Variants in TMEM108 observed in about 807,000 individuals in gnomAD.
TMEM108 encodes the protein cancer/testis antigen 124.
TMEM108 carries 12 observed loss-of-function variants against 35.1 expected under a neutral mutation model. The ratio of observed to expected loss-of-function variants is 0.34; its 90% CI spans 0.22 to 0.55. The LOEUF is 0.55. Among genes scored for constraint, TMEM108 ranks in the 20% least tolerant of loss-of-function variants. The pLI, the probability that TMEM108 is intolerant of heterozygous loss-of-function variation, is 0.89. For missense variants in TMEM108, 680 were observed against 753.3 expected (o/e 0.90, Z 1.14); for synonymous variants, 287 against 308.6 (o/e 0.93, Z 0.73).
intron 2 of TMEM108, among the ~76,000 whole-genome samples, chr3:133,167,888 C>G (rs1028531578): frequency 6.6e-5 from 10 of 152,064 alleles, no homozygotes; most frequent in Non-Finnish European, 1.2e-4. Flanking sequence ...GAGTGGGCAC[C>G]GAGGCTGAGG....
intron 2 of TMEM108, among the ~76,000 whole-genome samples, chr3:133,183,924 C>G (rs1945383915): frequency 6.6e-6 from 1 of 152,058 alleles, no homozygotes; most frequent in Non-Finnish European, 1.5e-5. Context: ...GGGGGCATTG[C>G]AGGAAGGGAA....
At chr3:133,059,488 C>T (rs1943511660) in intron 2 of TMEM108, among the ~76,000 whole-genome samples, 1 of 152,120 alleles carries the variant, frequency 6.6e-6, no homozygotes, top group South Asian at 2.1e-4. Flanking sequence ...TCTTATAACT[C>T]TGTGAAGAAC....
chr3:133,272,348 A>G (rs978979963), intron 3 of TMEM108, among the ~76,000 whole-genome samples: 1 of 151,242 alleles, frequency 6.6e-6, no homozygotes, highest in African/African-American at 2.4e-5. Context: ...ATCTGAGAAT[A>G]GACTTCTAGG....
intron 2 of TMEM108, among the ~76,000 whole-genome samples, chr3:133,092,308 T>G (rs771618831): frequency 3.9e-5 from 6 of 152,312 alleles, no homozygotes; most frequent in Non-Finnish European, 7.4e-5. Context: ...ATACCCAGAG[T>G]GATGTGAAAC....
chr3:133,181,828 C>G (rs908933514), intron 2 of TMEM108, among the ~76,000 whole-genome samples: 7 of 152,134 alleles, frequency 4.6e-5, no homozygotes, highest in African/African-American at 1.7e-4. Flanking sequence ...GTTCAGAGTC[C>G]AGGCTGGAGA....
chr3:133,223,451 G>A (rs993653446), intron 2 of TMEM108, among the ~76,000 whole-genome samples: 4 of 152,196 alleles, frequency 2.6e-5, no homozygotes, highest in Non-Finnish European at 4.4e-5. Flanking sequence ...CCTGGAGCAT[G>A]GGTTGCAAGG....
chr3:133,380,988 C>T lies in TMEM108; in HGVS notation c.1277C>T (p.Thr426Ile), dbSNP rs753271690. ...SPLSTVVSTA[T>I]GNFLNRLVPA... is the part of the protein sequence containing the mutation. ...CTCTCCACAGTGGTATCCACAGCCA[C>T]AGGCAATTTCCTCAACCGCCTGGTC... The change falls in exon 4 of 6, where the codon ACA (threonine) becomes ATA (isoleucine). Residue 426 changes from threonine to isoleucine, a missense_variant. Coordinates refer to ENST00000321871, the MANE Select transcript of TMEM108 (RefSeq NM_023943.4). The surrounding 1 kb of genome is among the most constrained non-coding windows in gnomAD (Gnocchi z 5.3). The T allele has an allele frequency of 1.2e-6, 2 of 1,614,206 alleles. No homozygotes were observed. The highest frequency in any genetic ancestry group is 1.7e-6 in the Non-Finnish European group (2 of 1,180,032).
intron 3 of TMEM108, among the ~76,000 whole-genome samples, chr3:133,331,056 C>T (rs951567289): frequency 6.6e-6 from 1 of 152,036 alleles, no homozygotes; most frequent in Non-Finnish European, 1.5e-5. Flanking sequence ...ATGTTTGGTG[C>T]ATGGGAGGCT....
chr3:133,391,020 TG>T, intron 5 of TMEM108, among the ~76,000 whole-genome samples: 1 of 152,174 alleles, frequency 6.6e-6, no homozygotes, highest in Non-Finnish European at 1.5e-5. Flanking sequence ...ACACGGAGGG[TG>T]GCGTAGAGGC....
intron 2 of TMEM108, among the ~76,000 whole-genome samples, chr3:133,156,352 TGTATA>T (rs1329267325): frequency 6.6e-6 from 1 of 152,146 alleles, no homozygotes; most frequent in Non-Finnish European, 1.5e-5. Context: ...ATACCGTACA[TGTATA>T]GTATATAGGA....
intron 2 of TMEM108, among the ~76,000 whole-genome samples, chr3:133,097,775 A>T (rs1490615326): frequency 6.6e-6 from 1 of 152,232 alleles, no homozygotes; most frequent in Non-Finnish European, 1.5e-5. Context: ...CTATTAGTAA[A>T]GAACTATGTG....
chr3:133,235,382 A>C (rs960897679), intron 3 of TMEM108, among the ~76,000 whole-genome samples: 3 of 152,222 alleles, frequency 2.0e-5, no homozygotes, highest in African/African-American at 7.2e-5. Flanking sequence ...CCAAAACAGC[A>C]TGGTACTAGT....
chr3:133,054,061 G>A (rs990417109), intron 2 of TMEM108, among the ~76,000 whole-genome samples: 1 of 152,178 alleles, frequency 6.6e-6, no homozygotes, highest in Non-Finnish European at 1.5e-5. Context: ...TCTAGAAGAA[G>A]GTAATGGTGG....
intron 3 of TMEM108, among the ~76,000 whole-genome samples, chr3:133,321,811 C>T (rs1256978268): frequency 6.6e-6 from 1 of 152,022 alleles, no homozygotes; most frequent in Admixed American, 6.6e-5. Flanking sequence ...TGAAGAAAGC[C>T]AAAATTATAC....
intron 2 of TMEM108, among the ~76,000 whole-genome samples, chr3:133,143,747 T>C (rs1172352672): frequency 6.6e-6 from 1 of 152,010 alleles, no homozygotes; most frequent in Non-Finnish European, 1.5e-5. Flanking sequence ...ACAGCCAATA[T>C]GGTTTCCTTC....
intron 2 of TMEM108, among the ~76,000 whole-genome samples, chr3:133,157,573 T>C (rs1944899438): frequency 6.6e-6 from 1 of 152,206 alleles, no homozygotes; most frequent in Non-Finnish European, 1.5e-5. Context: ...TAGAGAAAAT[T>C]GGACCCATTT....
chr3:133,203,152 G>A (rs962234994), intron 2 of TMEM108, among the ~76,000 whole-genome samples: 4 of 152,186 alleles, frequency 2.6e-5, no homozygotes, highest in African/African-American at 4.8e-5. Flanking sequence ...TGTATCCTGA[G>A]ACTTTGCTGA....
At chr3:133,282,589 T>C (rs12496099) in intron 3 of TMEM108, among the ~76,000 whole-genome samples, 92,743 of 152,120 alleles carry the variant, frequency 0.61, 28,223 homozygotes, top group South Asian at 0.65. Flanking sequence ...TTTCAGGTGG[T>C]ACCCAAGAAG....
intron 3 of TMEM108, among the ~76,000 whole-genome samples, chr3:133,301,523 A>C (rs1404889542): frequency 6.6e-6 from 1 of 152,214 alleles, no homozygotes; most frequent in Non-Finnish European, 1.5e-5. Context: ...CAGTAATGAG[A>C]ATAAACATTT....
Sources: allele counts gnomAD v4.1 joint callset (sites outside exome capture counted in the v4.1 genomes callset), GRCh38; gene constraint gnomAD v4.1.1; non-coding constraint Gnocchi (gnomAD v3.1); transcripts MANE v1.5; gene names NCBI Gene and HGNC (gene_info 2026-07-23, HGNC 2026-07-21).